CRIPTO: variants seen among roughly 807,000 people sequenced by gnomAD.
The protein encoded by CRIPTO is cripto, EGF-CFC family member, also known as protein Cripto.
the CRIPTO span, among the ~76,000 whole-genome samples, chr3:46,576,574 G>T: frequency 6.6e-6 from 1 of 151,332 alleles, no homozygotes; most frequent in Non-Finnish European, 1.5e-5. Flanking sequence ...ACACAGGTAG[G>T]CACTGACGCT....
chr3:46,579,572 G>C, the CRIPTO span: 1 of 1,170,028 alleles, frequency 8.5e-7, no homozygotes, highest in Non-Finnish European at 1.3e-6. Flanking sequence ...TTCACACTGG[G>C]GAACCCAGAA....
the CRIPTO span, chr3:46,579,777 A>G: frequency 1.2e-6 from 2 of 1,613,202 alleles, no homozygotes; most frequent in Non-Finnish European, 1.7e-6. Flanking sequence ...GAATGGGGGA[A>G]CCTGCATGCT....
chr3:46,581,262 C>CTATTTCCAGAAATACAAT, the CRIPTO span: 1 of 1,589,074 alleles, frequency 6.3e-7, no homozygotes, highest in Admixed American at 1.7e-5. Flanking sequence ...CGACATTGAC[C>CTATTTCCAGAAATACAAT]TATTTCCAGA....
chr3:46,580,115 G>A, the CRIPTO span: 1 of 1,612,702 alleles, frequency 6.2e-7, no homozygotes, highest in Non-Finnish European at 8.5e-7. Context: ...AGTTGCCTTG[G>A]GGGGTGCTTA....
the CRIPTO span, chr3:46,581,587 G>T: frequency 7.6e-5 from 43 of 565,090 alleles, 1 homozygote; most frequent in East Asian, 1.2e-3. Context: ...TTGGTTCACT[G>T]CAACCTCCGC....
At chr3:46,575,179 C>T in the CRIPTO span, among the ~76,000 whole-genome samples, 4 of 152,238 alleles carry the variant, frequency 2.6e-5, no homozygotes, top group East Asian at 7.7e-4. Flanking sequence ...CACCTGGAGG[C>T]AGCAACAACT....
chr3:46,575,364 T>C, the CRIPTO span, among the ~76,000 whole-genome samples: 1 of 152,094 alleles, frequency 6.6e-6, no homozygotes, highest in Non-Finnish European at 1.5e-5. Context: ...ACGGCAAATA[T>C]CTAACCTCTC....
chr3:46,576,060 G>T, the CRIPTO span, among the ~76,000 whole-genome samples: 98 of 152,278 alleles, frequency 6.4e-4, no homozygotes, highest in Admixed American at 3.9e-3. Context: ...GAGGCGAAGC[G>T]CAGCAGGAAT....
the CRIPTO span, chr3:46,582,294 TTG>T: frequency 3.3e-5 from 5 of 152,216 alleles, no homozygotes; most frequent in South Asian, 2.1e-4. Flanking sequence ...GCTTAATAAA[TTG>T]TGTTTCCTCC....
the CRIPTO span, among the ~76,000 whole-genome samples, chr3:46,578,168 A>G: frequency 6.6e-6 from 1 of 152,182 alleles, no homozygotes; most frequent in Non-Finnish European, 1.5e-5. Flanking sequence ...TCACATGGTT[A>G]CTTCTAACTT....
At chr3:46,580,104 T>C in the CRIPTO span, 1 of 1,613,916 alleles carries the variant, frequency 6.2e-7, no homozygotes, top group Non-Finnish European at 8.5e-7. Flanking sequence ...TGAAGTTACG[T>C]AGTTGCCTTG....
chr3:46,578,150 C>G, the CRIPTO span: 3 of 838,966 alleles, frequency 3.6e-6, no homozygotes, highest in Non-Finnish European at 6.0e-6. Flanking sequence ...CCTGAAAGAC[C>G]TGGAATTTCA....
At chr3:46,579,160 T>C in the CRIPTO span, 1 of 1,614,204 alleles carries the variant, frequency 6.2e-7, no homozygotes, top group South Asian at 1.1e-5. Context: ...GAGAGACCTT[T>C]TGTTCTTTTG....
the CRIPTO span, chr3:46,578,068 T>A: frequency 6.5e-7 from 1 of 1,532,826 alleles, no homozygotes; most frequent in Non-Finnish European, 9.0e-7. Flanking sequence ...TAGGAAGTAA[T>A]GTTCTACACC....
the CRIPTO span, chr3:46,579,390 C>A: frequency 6.2e-7 from 1 of 1,613,980 alleles, no homozygotes; most frequent in Non-Finnish European, 8.5e-7. Flanking sequence ...GACTTCGATG[C>A]TTCTGCCCTG....
chr3:46,577,603 G>A, the CRIPTO span: 1 of 331,788 alleles, frequency 3.0e-6, no homozygotes, highest in Non-Finnish European at 5.6e-6. Context: ...GAGATATTAG[G>A]GCTAGTTAAC....
chr3:46,575,014 A>T, the CRIPTO span, among the ~76,000 whole-genome samples: 1 of 152,166 alleles, frequency 6.6e-6, no homozygotes. Flanking sequence ...GCTGCCTGTG[A>T]TTGGGGAACC....
the CRIPTO span, chr3:46,582,187 T>C: frequency 1.3e-5 from 2 of 152,200 alleles, no homozygotes; most frequent in Admixed American, 1.3e-4. Context: ...TAGAAAGCTA[T>C]ATAAGACAAG....
At chr3:46,579,656 G>C in the CRIPTO span, 7 of 1,395,738 alleles carry the variant, frequency 5.0e-6, no homozygotes, top group Non-Finnish European at 7.1e-6. Flanking sequence ...CAACACATTG[G>C]TGTTGTATTA....
Sources: gnomAD v4.1 joint callset for allele counts (sites outside exome capture counted in the v4.1 genomes callset) on GRCh38, gnomAD v4.1.1 for gene constraint, MANE v1.5 for transcripts, NCBI Gene and HGNC (gene_info 2026-07-23, HGNC 2026-07-21) for gene names.